Variants in KLHL21 observed in about 807,000 individuals in gnomAD.
KLHL21 encodes kelch like family member 21, also known as kelch-like protein 21.
In KLHL21, 42 loss-of-function variants were observed where a neutral mutation model predicts 44.1. The ratio of observed to expected loss-of-function variants is 0.95; its 90% CI spans 0.74 to 1.23. The LOEUF is 1.23. KLHL21 is among the 50% of genes most tolerant of loss of function. KLHL21 has a pLI of 0.00. For synonymous variants in KLHL21, 524 were observed against 411.6 expected (o/e 1.27, Z -3.31); for missense variants, 918 against 889.1 (o/e 1.03, Z -0.41).
chr1:6,599,024 G>A (rs1256150712), intron 2 of KLHL21, 23 bp downstream of exon 2: 4 of 1,548,798 alleles, frequency 2.6e-6, no homozygotes, highest in Middle Eastern at 1.7e-4. Context: ...AACACACAGT[G>A]GGGCTCGGCA....
Position 6,599,434 on chromosome 1 carries a change from C to T in KLHL21, c.1040G>A (p.Arg347Gln), listed in dbSNP as rs768359073. The change falls in exon 2 of 4, where the codon CGG (arginine) becomes CAG (glutamine). Residue 347 changes from arginine to glutamine, a missense_variant. Physicochemically the swap from Arg to Gln is conservative, Grantham distance 43 (BLOSUM62 1). Transcript: ENST00000377658. ...IYVTGGSDGS[R>Q]LYDCVWRYNS... is the part of the protein sequence containing the mutation. ...GTACCTCCACACGCAGTCATAGAGCCGGGAGCCATCGGACCCACCTGCCAG... is the reference window on the plus strand; with the variant it reads ...GTACCTCCACACGCAGTCATAGAGCTGGGAGCCATCGGACCCACCTGCCAG... The T allele has an allele frequency of 1.0e-5, 16 of 1,606,068 alleles. No homozygotes were observed. Among genetic ancestry groups the T allele is most frequent in the South Asian group, 6.6e-5 (6 of 90,748 alleles).
intron 1 of KLHL21, among the ~76,000 whole-genome samples, chr1:6,600,815 G>T (rs1641005884): frequency 6.6e-6 from 1 of 152,216 alleles, no homozygotes; most frequent in African/African-American, 2.4e-5. Flanking sequence ...CCTTGGATTG[G>T]AAAGAGGCAC....
At position 6,593,221 on chromosome 1, in the gene KLHL21, T is replaced by C; in HGVS notation, c.*144A>G. ...TCTCAAGGTACAGAAACCTTCCAGG[T>C]AATGGATCCTGGGCTGGCTTCGCCA... On this transcript the variant is annotated 3_prime_UTR_variant, in exon 4 of 4. Transcript: ENST00000377658. 1 of 829,380 alleles carries C rather than the reference T, an allele frequency of 1.2e-6. No homozygotes were observed. Among genetic ancestry groups the C allele is most frequent in the Non-Finnish European group, 1.8e-6 (1 of 550,800 alleles). The allele number at this position is 829,380 out of a possible 1,614,324, so 51.4% of individuals were successfully genotyped here.
Position 6,599,103 on chromosome 1 carries a change from C to T in KLHL21, c.1371G>A (p.Pro457=), listed in dbSNP as rs143238175. The change falls in exon 2 of 4, where the codon CCG becomes CCA. Residue 457 remains proline, a synonymous_variant. Transcript: ENST00000377658. ...LWSLVDCGQL[P]PWSFAPKTAT... ...CAGTCTTGGGGGCGAAGGACCAGGG[C>T]GGGAGCTGGCCGCAGTCCACCAGCG... 265 of 1,611,748 alleles carry T rather than the reference C, an allele frequency of 1.6e-4. No individual in the cohort carries two copies. Among genetic ancestry groups the T allele is most frequent in the Admixed American group, 3.0e-4 (18 of 59,758 alleles).
intron 2 of KLHL21, among the ~76,000 whole-genome samples, chr1:6,596,422 G>C (rs904479035): frequency 6.6e-6 from 1 of 152,142 alleles, no homozygotes; most frequent in Non-Finnish European, 1.5e-5. Flanking sequence ...CATAGTGAGT[G>C]AGACTTCGTC....
Position 6,599,094 on chromosome 1 carries a change from G to A in KLHL21, c.1380C>T (p.Ser460=). 1 of 1,610,598 alleles carries A rather than the reference G, an allele frequency of 6.2e-7. No homozygotes were observed. The highest frequency in any genetic ancestry group is 8.5e-7 in the Non-Finnish European group (1 of 1,178,222). ...TTAGAGTCGCAGTCTTGGGGGCGAA[G>A]GACCAGGGCGGGAGCTGGCCGCAGT... ...LVDCGQLPPW[S]FAPKTATLNG... Residue 460 remains serine, a synonymous_variant, in exon 2 of 4, where the codon TCC becomes TCT. Transcript: ENST00000377658.
Position 6,602,737 on chromosome 1 carries a change from C to T in KLHL21, c.81G>A (p.Gln27=), listed in dbSNP as rs754815383. 920 of 1,510,752 alleles carry T rather than the reference C, an allele frequency of 6.1e-4. No individual in the cohort carries two copies. Among genetic ancestry groups the T allele is most frequent in the Non-Finnish European group, 7.5e-4 (850 of 1,137,132 alleles). 93.6% of individuals were successfully genotyped at this position (1,510,752 alleles called of 1,614,324 possible). Residue 27 remains glutamine (Q), a synonymous_variant, in exon 1 of 4, where the codon CAG becomes CAA. Transcript: ENST00000377658. ...CCAGGAACTTGCGCTCGGCGCGCAG[C>T]TGGCTCAGGCCGCGCAGCAGGCTCA... ...HALSLLRGLS[Q]LRAERKFLDV...
chr1:6,599,023 TG>T, intron 2 of KLHL21, 23 bp downstream of exon 2: 1 of 1,548,126 alleles, frequency 6.5e-7, no homozygotes, highest in Non-Finnish European at 8.7e-7. Flanking sequence ...AAACACACAG[TG>T]GGGCTCGGCA....
intron 2 of KLHL21, among the ~76,000 whole-genome samples, chr1:6,597,000 GGGACAAATAGCCCA>G (rs1329278926): frequency 1.3e-5 from 2 of 152,246 alleles, no homozygotes; most frequent in African/African-American, 4.8e-5. Flanking sequence ...AAGTGACACC[GGGACAAATAGCCCA>G]GGGGGACCAG....
rs1473901054 is a variant in KLHL21, at chr1:6,602,337, T to A, written c.481A>T (p.Ile161Phe). ...CCCAGCTCGCCCACGTGGCGCAGAA[T>A]GAACCGCTGCGCCGCGCTCGCCAGT... ...SGLASAAQRF[I>F]LRHVGELGAE... is the part of the protein sequence containing the mutation. The change falls in exon 1 of 4, where the codon ATT (isoleucine) becomes TTT (phenylalanine). Residue 161 changes from isoleucine to phenylalanine, a missense_variant. Coordinates refer to ENST00000377658, the MANE Select transcript of KLHL21 (RefSeq NM_014851.4). The A allele has an allele frequency of 1.3e-6, 2 of 1,558,282 alleles. No homozygotes were observed. Among genetic ancestry groups the A allele is most frequent in the Non-Finnish European group, 1.7e-6 (2 of 1,157,692 alleles).
rs144973065 is a variant in KLHL21, at chr1:6,593,619, G to A, written c.1540C>T (p.Leu514=). 5.8e-5 allele frequency: 93 copies of A among 1,602,230 alleles called. No individual in the cohort carries two copies. In the African/African-American group the frequency reaches 1.0e-3, roughly 18 times the overall value. ...TTGTCGTATCCCCCAGAGACGTACA[G>A]CTTCCCCCCAAGGACGGCCAGGCTG... ...GGSLAVLGGK[L]YVSGGYDNTF... is the part of the protein sequence containing the mutation. The change falls in exon 4 of 4, where the codon CTG becomes TTG. Residue 514 remains leucine (L), a synonymous_variant. Transcript: ENST00000377658.
chr1:6,597,072 C>T (rs1640937583), intron 2 of KLHL21, among the ~76,000 whole-genome samples: 1 of 152,258 alleles, frequency 6.6e-6, no homozygotes, highest in African/African-American at 2.4e-5. Flanking sequence ...AGGGCTCAAG[C>T]AGCTTCCACT....
At chr1:6,599,475 G>A (rs1640982807) in intron 1 of KLHL21, 23 bp from the exon 2 acceptor site, 1 of 1,581,794 alleles carries the variant, frequency 6.3e-7, no homozygotes, top group Non-Finnish European at 8.6e-7. Context: ...ATGACAGGCA[G>A]AAGATCAGCC....
chr1:6,598,797 G>A (rs989378674), intron 2 of KLHL21, among the ~76,000 whole-genome samples: 1 of 152,198 alleles, frequency 6.6e-6, no homozygotes, highest in African/African-American at 2.4e-5. Flanking sequence ...GCAGGAGAAT[G>A]GCGTGAACCC....
In KLHL21 at chr1:6,593,179, C is replaced by T. The variant is rs780899154; in HGVS notation, c.*186G>A. On this transcript the variant is annotated 3_prime_UTR_variant, in exon 4 of 4. Coordinates refer to ENST00000377658, the MANE Select transcript of KLHL21 (RefSeq NM_014851.4). ...TCAACTGCAGGGAGGGCGTTCCCGA[C>T]GGCCTCTGATTCAGGCTCTCAAGGT... 4.4e-5 allele frequency: 26 copies of T among 584,786 alleles called. No individual in the cohort carries two copies. Among genetic ancestry groups the T allele is most frequent in the South Asian group, 1.1e-4 (4 of 35,324 alleles). 36.2% of individuals were successfully genotyped at this position (584,786 alleles called of 1,614,324 possible). A position where few individuals can be genotyped will look rare whatever the true frequency, so the allele number is the denominator to read the frequency against.
At chr1:6,599,012 CA>C in intron 2 of KLHL21, 34 bp downstream of exon 2, 1 of 1,535,898 alleles carries the variant, frequency 6.5e-7, no homozygotes, top group East Asian at 2.3e-5. Context: ...TAAGAGACAC[CA>C]AACACACAGT....
At chr1:6,594,809 A>G (rs1640901552) in intron 3 of KLHL21, 1 of 152,372 alleles carries the variant, frequency 6.6e-6, no homozygotes, top group Admixed American at 6.5e-5. Flanking sequence ...CAGGAGGGTC[A>G]CTTGAGGCCA....
At chr1:6,600,769 G>A (rs911773510) in intron 1 of KLHL21, among the ~76,000 whole-genome samples, 1 of 152,224 alleles carries the variant, frequency 6.6e-6, no homozygotes, top group Non-Finnish European at 1.5e-5. Flanking sequence ...TTTCAGAAGA[G>A]GGGAGGGACA....
chr1:6,598,574 AAAAAC>A (rs1311968099), intron 2 of KLHL21, among the ~76,000 whole-genome samples: 1 of 151,434 alleles, frequency 6.6e-6, no homozygotes, highest in African/African-American at 2.4e-5. Context: ...CTTCTTTTAA[AAAAAC>A]AAAACAAAAC....
Sources: gnomAD v4.1 joint callset for allele counts (sites outside exome capture counted in the v4.1 genomes callset) on GRCh38, gnomAD v4.1.1 for gene constraint, MANE v1.5 for transcripts, NCBI Gene and HGNC (gene_info 2026-07-23, HGNC 2026-07-21) for gene names.